TANGO6: variants seen among roughly 807,000 people sequenced by gnomAD.
TANGO6 encodes transport and golgi organization 6 homolog.
Under a neutral mutation model 114.2 loss-of-function variants are expected in TANGO6, and 90 were observed. The ratio of observed to expected loss-of-function variants is 0.79; its 90% CI spans 0.66 to 0.94. TANGO6 has a LOEUF of 0.94. Among genes scored for constraint, TANGO6 ranks in the 40% least tolerant of loss-of-function variants. TANGO6 has a pLI of 0.00. For missense variants in TANGO6, 1,274 were observed against 1,315.3 expected (o/e 0.97, Z 0.49); for synonymous variants, 477 against 509.8 (o/e 0.94, Z 0.87).
chr16:69,032,302 G>C (rs989305965), intron 16 of TANGO6, among the ~76,000 whole-genome samples: 2 of 152,176 alleles, frequency 1.3e-5, no homozygotes. Context: ...GCCTCGCGCT[G>C]TCGCCCAGGC....
In TANGO6 at chr16:68,943,191, A is replaced by G. The variant is rs139575564; in HGVS notation, c.2701+12896A>G. 6.1e-3 allele frequency among the ~76,000 whole-genome samples: 915 copies of G among 150,792 alleles called. 6 individuals are homozygous for G. Among genetic ancestry groups the G allele is most frequent in the South Asian group, 0.018 (86 of 4,724 alleles). On this transcript the variant is annotated intron_variant, in intron 14 of 17. Transcript: ENST00000261778. ...GCTGGGATTACAGGTGTGAGCCACT[A>G]TGCCTGGCCTTATTTATATTTATAT... is the stretch of plus-strand genomic sequence containing the variant.
intron 15 of TANGO6, among the ~76,000 whole-genome samples, chr16:68,977,936 T>A (rs751820867): frequency 2.6e-5 from 4 of 152,106 alleles, no homozygotes; most frequent in Admixed American, 6.5e-5. Flanking sequence ...TCCGCCTGCC[T>A]TGGCCTCCCA....
At position 68,867,331 on chromosome 16, in the gene TANGO6, C is replaced by T. The variant is rs1297575922; in HGVS notation, c.994+111C>T. 18 of 1,399,172 alleles carry T rather than the reference C, an allele frequency of 1.3e-5. No individual in the cohort carries two copies. In the Admixed American group the frequency reaches 2.1e-4, roughly 16 times the overall value. 86.7% of individuals were successfully genotyped at this position (1,399,172 alleles called of 1,614,324 possible). ...CCTTTAAAACCTGACTGAAACTAAA[C>T]TCCATCCTTGCAGGGATTGAACAGG... On this transcript the variant is annotated intron_variant, in intron 4 of 17. Coordinates refer to ENST00000261778, the MANE Select transcript of TANGO6 (RefSeq NM_024562.2).
intron 15 of TANGO6, among the ~76,000 whole-genome samples, chr16:69,018,905 G>C (rs1435334024): frequency 1.3e-5 from 2 of 151,978 alleles, no homozygotes; most frequent in Admixed American, 1.3e-4. Context: ...GTGAGACTCC[G>C]TCTCAAAAAA....
chr16:69,072,724 TC>T (rs1356990339), intron 17 of TANGO6, among the ~76,000 whole-genome samples: 1 of 152,110 alleles, frequency 6.6e-6, no homozygotes, highest in Non-Finnish European at 1.5e-5. Context: ...AAAACAGAGA[TC>T]CGGTAACTGA....
chr16:68,980,383 TTCTC>T (rs143061953), intron 15 of TANGO6, among the ~76,000 whole-genome samples: 668 of 36,716 alleles, frequency 0.018, 31 homozygotes, highest in African/African-American at 0.067. Context: ...CTGTCTGTCA[TTCTC>T]TCTCTCTCTC....
At chr16:68,913,431 CAG>C (rs931074768) in intron 11 of TANGO6, among the ~76,000 whole-genome samples, 1 of 123,930 alleles carries the variant, frequency 8.1e-6, no homozygotes, top group Non-Finnish European at 1.6e-5. Flanking sequence ...TTTTTTGAGA[CAG>C]AGTCTCACTC....
At chr16:68,990,520 A>G (rs1184774676) in intron 15 of TANGO6, among the ~76,000 whole-genome samples, 1 of 152,132 alleles carries the variant, frequency 6.6e-6, no homozygotes, top group Non-Finnish European at 1.5e-5. Flanking sequence ...GGGAGCTACA[A>G]CTCAAGATGA....
chr16:68,905,886 A>T (rs1441084984), intron 9 of TANGO6, among the ~76,000 whole-genome samples: 1 of 152,092 alleles, frequency 6.6e-6, no homozygotes, highest in Non-Finnish European at 1.5e-5. Flanking sequence ...ATTAAAAAAG[A>T]ACAAAACAAA....
At chr16:68,912,582 C>T (rs1030909719) in intron 11 of TANGO6, among the ~76,000 whole-genome samples, 14 of 152,098 alleles carry the variant, frequency 9.2e-5, no homozygotes, top group South Asian at 8.3e-4. Flanking sequence ...TGCAGTGAGC[C>T]GAGATCGCAC....
chr16:69,025,818 C>A, intron 16 of TANGO6: 1 of 191,952 alleles, frequency 5.2e-6, no homozygotes. Context: ...ATTTTTAAGA[C>A]AAGGTATGAT....
intron 16 of TANGO6, chr16:69,035,806 C>T (rs1959676332): frequency 6.6e-6 from 1 of 152,254 alleles, no homozygotes; most frequent in Non-Finnish European, 1.5e-5. Context: ...AATCCCAGCA[C>T]TTTAGGAGGC....
At chr16:69,072,441 G>T (rs1960312003) in intron 17 of TANGO6, among the ~76,000 whole-genome samples, 1 of 152,070 alleles carries the variant, frequency 6.6e-6, no homozygotes, top group East Asian at 1.9e-4. Flanking sequence ...CATAATGAGA[G>T]GTTTCCGCTG....
At chr16:68,947,758 AT>A (rs1345100736) in intron 14 of TANGO6, among the ~76,000 whole-genome samples, 2 of 151,832 alleles carry the variant, frequency 1.3e-5, no homozygotes, top group Non-Finnish European at 2.9e-5. Flanking sequence ...TGCCCAGCTA[AT>A]TTTTGTATTT....
intron 15 of TANGO6, among the ~76,000 whole-genome samples, chr16:68,992,108 A>G (rs922224594): frequency 2.6e-5 from 4 of 152,224 alleles, no homozygotes; most frequent in African/African-American, 9.6e-5. Context: ...ATCGCTTATA[A>G]ATATATGAGT....
chr16:68,988,433 TC>T (rs1490694228), intron 15 of TANGO6, among the ~76,000 whole-genome samples: 1 of 152,172 alleles, frequency 6.6e-6, no homozygotes, highest in African/African-American at 2.4e-5. Context: ...AAGTTTGGAG[TC>T]CCCCAGGGCT....
intron 14 of TANGO6, among the ~76,000 whole-genome samples, chr16:68,967,381 C>A (rs954737535): frequency 6.6e-6 from 1 of 152,144 alleles, no homozygotes; most frequent in Non-Finnish European, 1.5e-5. Context: ...GAAGGCAGAG[C>A]TCAGGCAATA....
At chr16:68,866,971 TCTC>T in intron 3 of TANGO6, 105 bp from the exon 4 acceptor site, 1 of 985,062 alleles carries the variant, frequency 1.0e-6, no homozygotes, top group Non-Finnish European at 1.4e-6. Context: ...CATAGCTATT[TCTC>T]CTTTTTTTTT....
chr16:69,000,799 C>G (rs920648269), intron 15 of TANGO6, among the ~76,000 whole-genome samples: 2 of 152,050 alleles, frequency 1.3e-5, no homozygotes, highest in Admixed American at 6.6e-5. Flanking sequence ...CACCATGTGG[C>G]CAGGCTGGTC....
Sources: gnomAD v4.1 joint callset for allele counts (sites outside exome capture counted in the v4.1 genomes callset) on GRCh38, gnomAD v4.1.1 for gene constraint, MANE v1.5 for transcripts, NCBI Gene and HGNC (gene_info 2026-07-23, HGNC 2026-07-21) for gene names.